The following SEC62 variants were observed in gnomAD, a reference collection of about 807,000 sequenced individuals.
SEC62 encodes SEC62 preprotein translocation factor, also known as translocation protein SEC62.
In SEC62, 10 loss-of-function variants were observed where a neutral mutation model predicts 47.5. That is an observed-to-expected ratio of 0.21 (90% confidence interval 0.13 to 0.36). The LOEUF (loss-of-function observed/expected upper bound fraction) is 0.36, where lower values mean the gene tolerates loss of function less well. Ranked by LOEUF, SEC62 falls within the 10% of genes least tolerant of loss-of-function variation. The pLI is 1.00. For synonymous variants in SEC62, 136 were observed against 150.5 expected, an observed-to-expected ratio of 0.90 and a Z score of 0.71; for missense variants, 327 against 464.1, an observed-to-expected ratio of 0.70 and a Z score of 2.71.
chr3:169,979,273 T>G (rs1307304044), intron 3 of SEC62, among the ~76,000 whole-genome samples: 1 of 152,216 alleles, frequency 6.6e-6, no homozygotes, highest in African/African-American at 2.4e-5. Flanking sequence ...TGCTGCCCAA[T>G]AGCAGACAAA....
intron 5 of SEC62, chr3:169,985,018 T>A (rs1007549672): frequency 6.6e-6 from 1 of 152,078 alleles, no homozygotes; most frequent in Admixed American, 6.6e-5. Context: ...ATTAATACAG[T>A]CATAGAGACT....
In SEC62 at chr3:169,972,923, C is replaced by T. The variant is rs145442933; in HGVS notation, c.37-2685C>T. 6.5e-4 allele frequency among the ~76,000 whole-genome samples: 99 copies of T among 152,190 alleles called. 1 individual carries two copies. The highest frequency in any genetic ancestry group is 3.4e-3 in the Middle Eastern group (1 of 294). ...GTCACATTTATTCAGACTTCTCCCC[C>T]ACAATTTTTAATCAAGCACCTCCCA... On this transcript the variant is annotated intron_variant, in intron 1 of 7. Coordinates refer to ENST00000337002, the MANE Select transcript of SEC62 (RefSeq NM_003262.4).
At chr3:169,991,873 G>A (rs978600597) in intron 7 of SEC62, among the ~76,000 whole-genome samples, 2 of 152,116 alleles carry the variant, frequency 1.3e-5, no homozygotes, top group African/African-American at 4.8e-5. Flanking sequence ...ATCAGAAGTA[G>A]TAATGTATAT....
chr3:169,997,871 A>G lies in SEC62; in HGVS notation c.*4808A>G, dbSNP rs1715422334. On this transcript the variant is annotated 3_prime_UTR_variant, in exon 8 of 8. Coordinates refer to ENST00000337002, the MANE Select transcript of SEC62 (RefSeq NM_003262.4). Reference sequence around the variant, plus strand: ...AAATAATTTATGATGTGGTAGTTATAGGTGTGCATTTAATAGCCAGATCTA... The same window carrying G: ...AAATAATTTATGATGTGGTAGTTATGGGTGTGCATTTAATAGCCAGATCTA... 6.6e-6 allele frequency: 1 copy of G among 152,246 alleles called. No individual in the cohort carries two copies. Among genetic ancestry groups the G allele is most frequent in the African/African-American group, 2.4e-5 (1 of 41,468 alleles). The allele number at this position is 152,246 out of a possible 1,614,324, so 9.4% of individuals were successfully genotyped here. A position where few individuals can be genotyped will look rare whatever the true frequency, so the allele number is the denominator to read the frequency against.
intron 2 of SEC62, among the ~76,000 whole-genome samples, chr3:169,976,459 C>T (rs1342425521): frequency 6.6e-6 from 1 of 152,028 alleles, no homozygotes; most frequent in Non-Finnish European, 1.5e-5. Flanking sequence ...ACATTCATTA[C>T]AAGTTTTAAA....
At chr3:169,976,629 T>C (rs1412716768) in intron 2 of SEC62, among the ~76,000 whole-genome samples, 2 of 152,242 alleles carry the variant, frequency 1.3e-5, no homozygotes, top group African/African-American at 2.4e-5. Flanking sequence ...TATCTACATA[T>C]GCTTGTGATT....
rs1380843900 is a variant in SEC62, at chr3:169,994,294, T to C, written c.*1231T>C. On this transcript the variant is annotated 3_prime_UTR_variant, in exon 8 of 8. Coordinates refer to ENST00000337002, the MANE Select transcript of SEC62 (RefSeq NM_003262.4). Reference sequence around the variant, plus strand: ...GTTTACTTATGAGCATAATCATTCCTTGGAGTTATACTAACTAATAATGAA... The same window carrying C: ...GTTTACTTATGAGCATAATCATTCCCTGGAGTTATACTAACTAATAATGAA... 3 of 152,644 alleles carry C rather than the reference T, an allele frequency of 2.0e-5. No individual in the cohort carries two copies. Among genetic ancestry groups the C allele is most frequent in the African/African-American group, 7.2e-5 (3 of 41,458 alleles). The allele number at this position is 152,644 out of a possible 1,614,324, so 9.5% of individuals were successfully genotyped here.
chr3:169,981,301 C>G (rs1410832950), intron 3 of SEC62, among the ~76,000 whole-genome samples: 1 of 152,194 alleles, frequency 6.6e-6, no homozygotes, highest in Non-Finnish European at 1.5e-5. Context: ...TGGAAGTGCT[C>G]ATAGGCTGGA....
rs1473627325 is a variant in SEC62 at position 169,989,107 on chromosome 3, GT to G, written c.730+751del. On this transcript the variant is annotated intron_variant, in intron 7 of 7. Coordinates refer to ENST00000337002, the MANE Select transcript of SEC62 (RefSeq NM_003262.4). ...GATTGGGGTCTTTCATAGATTATTTGTTTAGAGGCAGGGTCTTGCTCTGTCA... is the reference window on the plus strand; with the variant it reads ...GATTGGGGTCTTTCATAGATTATTTGTTAGAGGCAGGGTCTTGCTCTGTCA... Among the ~76,000 whole-genome samples, 435 of 151,150 alleles carry G rather than the reference GT, an allele frequency of 2.9e-3. 1 individual carries two copies. Among genetic ancestry groups the G allele is most frequent in the African/African-American group, 9.8e-3 (404 of 41,190 alleles).
Position 169,993,126 on chromosome 3 carries a change from T to G in SEC62, c.*63T>G. 8.3e-7 allele frequency: 1 copy of G among 1,198,946 alleles called. No individual in the cohort carries two copies. Among genetic ancestry groups the G allele is most frequent in the East Asian group, 2.5e-5 (1 of 39,284 alleles). The allele number at this position is 1,198,946 out of a possible 1,614,324, so 74.3% of individuals were successfully genotyped here. On this transcript the variant is annotated 3_prime_UTR_variant, in exon 8 of 8. Coordinates refer to ENST00000337002, the MANE Select transcript of SEC62 (RefSeq NM_003262.4). ...GGTTGGATTTTCTATGTTGGCTGAT[T>G]ACCATATTGAACACATGGCATTTGT...
At position 169,992,271 on chromosome 3, in the gene SEC62, A is replaced by T. The variant is rs1046844401; in HGVS notation, c.731-323A>T. Among the ~76,000 whole-genome samples, 1 of 152,144 alleles carries T rather than the reference A, an allele frequency of 6.6e-6. No individual in the cohort carries two copies. Among genetic ancestry groups the T allele is most frequent in the African/African-American group, 2.4e-5 (1 of 41,428 alleles). ...TTTTCAGTGACATTATTGCATTGTGACCTCAAGTTCAGAGCAACATTCTGT... is the reference window on the plus strand; with the variant it reads ...TTTTCAGTGACATTATTGCATTGTGTCCTCAAGTTCAGAGCAACATTCTGT... On this transcript the variant is annotated intron_variant, in intron 7 of 7. Coordinates refer to ENST00000337002, the MANE Select transcript of SEC62 (RefSeq NM_003262.4). This position sits in a 1 kb window ranked among gnomAD's most constrained non-coding sequence, Gnocchi z 4.0.
chr3:169,992,650 T>C lies in SEC62; in HGVS notation c.787T>C (p.Trp263Arg). 1 of 1,614,152 alleles carries C rather than the reference T, an allele frequency of 6.2e-7. No individual in the cohort carries two copies. The highest frequency in any genetic ancestry group is 8.5e-7 in the Non-Finnish European group (1 of 1,180,016). ...WLITGGRHHF[W>R]FLPNLTADVG... ...CATAACTGGAGGAAGGCACCACTTT[T>C]GGTTCTTGCCAAATCTGACTGCTGA... The change falls in exon 8 of 8, where the codon TGG (tryptophan) becomes CGG (arginine). Residue 263 changes from tryptophan to arginine, a missense_variant. Coordinates refer to ENST00000337002, the MANE Select transcript of SEC62 (RefSeq NM_003262.4). The surrounding 1 kb of genome is among the most constrained non-coding windows in gnomAD (Gnocchi z 4.0).
At chr3:169,980,286 A>G (rs879836804) in intron 3 of SEC62, among the ~76,000 whole-genome samples, 1 of 152,148 alleles carries the variant, frequency 6.6e-6, no homozygotes, top group African/African-American at 2.4e-5. Flanking sequence ...AGAAGAAAGG[A>G]AATTCATTCC....
At chr3:169,986,390 A>C (rs1162308544) in intron 6 of SEC62, among the ~76,000 whole-genome samples, 7 of 152,194 alleles carry the variant, frequency 4.6e-5, no homozygotes, top group Admixed American at 4.6e-4. Context: ...CAAATCCCTT[A>C]GACTATACTT....
At chr3:169,983,400 T>A in intron 5 of SEC62, 147 bp downstream of exon 5, 1 of 463,648 alleles carries the variant, frequency 2.2e-6, no homozygotes, top group South Asian at 4.0e-5. Context: ...TAAAAATCAA[T>A]AATTTCTCTT....
At chr3:169,968,340 T>C (rs1273511149) in intron 1 of SEC62, 4 of 152,186 alleles carry the variant, frequency 2.6e-5, no homozygotes, top group Non-Finnish European at 5.9e-5. Context: ...ATAATTCACC[T>C]TTTGAATAGC....
intron 3 of SEC62, among the ~76,000 whole-genome samples, chr3:169,980,121 C>T (rs1714935346): frequency 2.6e-5 from 4 of 152,104 alleles, no homozygotes; most frequent in Non-Finnish European, 5.9e-5. Context: ...TACATCAAAA[C>T]ATATTCTGAT....
intron 7 of SEC62, among the ~76,000 whole-genome samples, chr3:169,991,909 C>A (rs1378416829): frequency 6.6e-6 from 1 of 152,042 alleles, no homozygotes; most frequent in African/African-American, 2.4e-5. Context: ...CAAACCTATA[C>A]AGTATTTTAT....
chr3:169,982,967 C>A, intron 4 of SEC62, 56 bp downstream of exon 4: 1 of 1,541,048 alleles, frequency 6.5e-7, no homozygotes, highest in South Asian at 1.3e-5. Context: ...CACATGAACA[C>A]TACTGGCCTA....
Sources: allele counts gnomAD v4.1 joint callset (sites outside exome capture counted in the v4.1 genomes callset), GRCh38; gene constraint gnomAD v4.1.1; non-coding constraint Gnocchi (gnomAD v3.1); transcripts MANE v1.5; gene names NCBI Gene and HGNC (gene_info 2026-07-23, HGNC 2026-07-21).